SIPA1L1: variants seen among roughly 807,000 people sequenced by gnomAD.
SIPA1L1 encodes the protein signal-induced proliferation-associated 1-like protein 1.
A neutral mutation model predicts 162.7 loss-of-function variants in SIPA1L1; 26 were observed. The observed-to-expected ratio is 0.16, with a 90% CI of 0.12 to 0.22. The LOEUF (loss-of-function observed/expected upper bound fraction) is 0.22. Among genes scored for constraint, SIPA1L1 ranks in the 10% least tolerant of loss-of-function variants. SIPA1L1 has a pLI of 1.00. For synonymous variants in SIPA1L1, 829 were observed against 837.4 expected (o/e 0.99, Z 0.17); for missense variants, 1,874 against 2,241.0 (o/e 0.84, Z 3.31).
intron 4 of SIPA1L1, among the ~76,000 whole-genome samples, chr14:71,557,201 G>A (rs566651253): frequency 6.6e-5 from 10 of 152,198 alleles, no homozygotes; most frequent in African/African-American, 1.2e-4. Context: ...TTCAGTCTGC[G>A]TTGTATTTAT....
chr14:71,473,225 CTTTA>C (rs1265629913), intron 2 of SIPA1L1, among the ~76,000 whole-genome samples: 2 of 151,890 alleles, frequency 1.3e-5, no homozygotes, highest in African/African-American at 2.4e-5. Context: ...ACAAGATTAC[CTTTA>C]TTTAATTAAA....
chr14:71,489,229 GAT>G (rs1320895877), intron 2 of SIPA1L1, among the ~76,000 whole-genome samples: 1 of 152,158 alleles, frequency 6.6e-6, no homozygotes, highest in Admixed American at 6.5e-5. Context: ...CTAGGGATCT[GAT>G]AGGCTATCTC....
At chr14:71,672,687 A>G in intron 12 of SIPA1L1, 65 bp downstream of exon 12, 1 of 1,531,652 alleles carries the variant, frequency 6.5e-7, no homozygotes, top group Non-Finnish European at 8.9e-7. Flanking sequence ...CATGTAGAAC[A>G]TCTCTTAGCA....
intron 2 of SIPA1L1, among the ~76,000 whole-genome samples, chr14:71,380,346 A>G: frequency 6.6e-6 from 1 of 152,238 alleles, no homozygotes; most frequent in South Asian, 2.1e-4. Flanking sequence ...CTCATCTCAT[A>G]ACTTCTTCAT....
chr14:71,520,563 T>C (rs1330998403), intron 3 of SIPA1L1, among the ~76,000 whole-genome samples: 1 of 152,194 alleles, frequency 6.6e-6, no homozygotes, highest in African/African-American at 2.4e-5. Context: ...CTGCGAGTTA[T>C]AGCAGTGATT....
At chr14:71,533,435 C>A (rs1472639385) in intron 4 of SIPA1L1, among the ~76,000 whole-genome samples, 1 of 152,180 alleles carries the variant, frequency 6.6e-6, no homozygotes, top group Non-Finnish European at 1.5e-5. Flanking sequence ...CAGATTTATT[C>A]ATTCAGCAGC....
chr14:71,640,797 G>C (rs1170640566), intron 7 of SIPA1L1, among the ~76,000 whole-genome samples: 1 of 152,080 alleles, frequency 6.6e-6, no homozygotes, highest in Non-Finnish European at 1.5e-5. Flanking sequence ...GCTAACTTTT[G>C]TATTTTTAGT....
Position 71,671,173 on chromosome 14 carries a change from A to G in SIPA1L1, c.2310A>G (p.Lys770=), listed in dbSNP as rs754362599. Reference sequence around the variant, plus strand: ...CTTCCTTTGGGCCTCCCATTCCTAAAGGGGTCACTTTCCCTAAGTCAAATG... The same window carrying G: ...CTTCCTTTGGGCCTCCCATTCCTAAGGGGGTCACTTTCCCTAAGTCAAATG... ...DVPSFGPPIP[K]GVTFPKSNVF... Residue 770 remains lysine (K), a synonymous_variant, in exon 11 of 24, where the codon AAA becomes AAG. Transcript: ENST00000381232. The G allele has an allele frequency of 3.1e-6, 5 of 1,613,854 alleles. No homozygotes were observed. In the Admixed American group the frequency reaches 5.0e-5, roughly 16 times the overall value.
intron 2 of SIPA1L1, among the ~76,000 whole-genome samples, chr14:71,406,026 G>A (rs558500064): frequency 3.9e-5 from 6 of 152,214 alleles, no homozygotes; most frequent in Non-Finnish European, 8.8e-5. Context: ...ATCTGGGGTA[G>A]CGTCTCGTCG....
intron 3 of SIPA1L1, among the ~76,000 whole-genome samples, chr14:71,523,203 A>G (rs2052530759): frequency 6.6e-6 from 1 of 151,290 alleles, no homozygotes; most frequent in Non-Finnish European, 1.5e-5. Flanking sequence ...CATATTTTCA[A>G]ACTTCTCATT....
In SIPA1L1 at chr14:71,685,554, T is replaced by C. The variant is rs1387902782; in HGVS notation, c.3297T>C (p.Asp1099=). 1.2e-6 allele frequency: 2 copies of C among 1,614,154 alleles called. No homozygotes were observed. Among genetic ancestry groups the C allele is most frequent in the Non-Finnish European group, 1.7e-6 (2 of 1,180,026 alleles). ...CGCGGCTGAATGCTGGAAAAGGAGA[T>C]GGGAAGATGCCTCCTCCAGAAAGAG... ...MTSRLNAGKG[D]GKMPPPERAA... The change falls in exon 13 of 24, where the codon GAT becomes GAC. Residue 1099 remains aspartate, a synonymous_variant. Coordinates refer to ENST00000381232, the MANE Select transcript of SIPA1L1 (RefSeq NM_001386936.1).
chr14:71,488,695 A>T (rs2048975651), intron 2 of SIPA1L1, among the ~76,000 whole-genome samples: 1 of 151,996 alleles, frequency 6.6e-6, no homozygotes, highest in African/African-American at 2.4e-5. Context: ...TGTCACTGAG[A>T]CTCTTGGTCA....
chr14:71,679,835 A>G (rs192658534), intron 12 of SIPA1L1, among the ~76,000 whole-genome samples: 2 of 152,212 alleles, frequency 1.3e-5, no homozygotes, highest in African/African-American at 4.8e-5. Flanking sequence ...AGAGACAAAG[A>G]AGGCCATTAC....
intron 5 of SIPA1L1, among the ~76,000 whole-genome samples, chr14:71,604,490 TTGG>T (rs2037239636): frequency 6.6e-6 from 1 of 152,096 alleles, no homozygotes; most frequent in African/African-American, 2.4e-5. Flanking sequence ...TGTTTTCATG[TTGG>T]TAGTAGTTAT....
At chr14:71,729,178 G>A (rs1002485499) in intron 19 of SIPA1L1, among the ~76,000 whole-genome samples, 2 of 152,146 alleles carry the variant, frequency 1.3e-5, no homozygotes, top group Non-Finnish European at 2.9e-5. Flanking sequence ...TGGGATTACA[G>A]GCGTGCACCA....
intron 2 of SIPA1L1, among the ~76,000 whole-genome samples, chr14:71,471,759 A>G (rs935450740): frequency 6.6e-6 from 1 of 152,234 alleles, no homozygotes; most frequent in Non-Finnish European, 1.5e-5. Context: ...GATGATCCAC[A>G]TTCTGTTAAG....
intron 4 of SIPA1L1, among the ~76,000 whole-genome samples, chr14:71,541,748 G>T (rs1266626752): frequency 6.6e-6 from 1 of 152,166 alleles, no homozygotes; most frequent in Non-Finnish European, 1.5e-5. Context: ...ATTCCAGCCT[G>T]GGTGACAGAG....
rs936166217 is a variant in SIPA1L1 at position 71,380,612 on chromosome 14, G to GT, written c.-465+59437dup. ...AGAGAATAGGATACAGGACTCTTAA[G>GT]TTTTTTGGATAGCAGGGTAGAAGAA... On this transcript the variant is annotated intron_variant, in intron 2 of 23. Transcript: ENST00000381232. 7.5e-4 allele frequency among the ~76,000 whole-genome samples: 114 copies of GT among 152,224 alleles called. 1 individual carries two copies. The highest frequency in any genetic ancestry group is 3.9e-4 in the Admixed American group (6 of 15,288).
intron 2 of SIPA1L1, among the ~76,000 whole-genome samples, chr14:71,479,181 C>T (rs2048122386): frequency 6.6e-6 from 1 of 152,118 alleles, no homozygotes; most frequent in Non-Finnish European, 1.5e-5. Flanking sequence ...CTTCCCTAAT[C>T]AGCCTGCTAT....
Sources: allele counts gnomAD v4.1 joint callset (sites outside exome capture counted in the v4.1 genomes callset), GRCh38; gene constraint gnomAD v4.1.1; transcripts MANE v1.5; gene names NCBI Gene and HGNC (gene_info 2026-07-23, HGNC 2026-07-21).